ST8SIA1: variants seen among roughly 807,000 people sequenced by gnomAD.
The protein encoded by ST8SIA1 is ST8 alpha-N-acetyl-neuraminide alpha-2,8-sialyltransferase 1, also known as alpha-N-acetylneuraminide alpha-2,8-sialyltransferase.
ST8SIA1 carries 16 observed loss-of-function variants against 35.9 expected under a neutral mutation model. The observed-to-expected ratio is 0.45, with a 90% CI of 0.30 to 0.68. The LOEUF is 0.68. Ranked by LOEUF, ST8SIA1 falls within the 30% of genes least tolerant of loss-of-function variation. The probability of loss-of-function intolerance (pLI) is 0.09; values close to 1 mark genes in which losing one functional copy is unlikely to be tolerated. For missense variants in ST8SIA1, 383 were observed against 453.6 expected (o/e 0.84, Z 1.41); for synonymous variants, 170 against 169.6 (o/e 1.00, Z -0.02).
Position 22,197,367 on chromosome 12 carries a change from C to T in ST8SIA1, c.*4185G>A, listed in dbSNP as rs1565563746. 2.6e-5 allele frequency: 4 copies of T among 152,242 alleles called. No individual in the cohort carries two copies. In the South Asian group the frequency reaches 6.2e-4, roughly 24 times the overall value. The allele number at this position is 152,242 out of a possible 1,614,324, so 9.4% of individuals were successfully genotyped here. On this transcript the variant is annotated 3_prime_UTR_variant, in exon 5 of 5. Coordinates refer to ENST00000396037, the MANE Select transcript of ST8SIA1 (RefSeq NM_003034.4). ...GAAAGTATTTACACAACACAATGAA[C>T]ATTTCCTAAAGTTTTCAGTGGACTG...
intron 1 of ST8SIA1, among the ~76,000 whole-genome samples, chr12:22,291,857 G>A (rs988107306): frequency 7.9e-5 from 12 of 152,110 alleles, no homozygotes; most frequent in African/African-American, 2.2e-4. Flanking sequence ...TACTACCTAG[G>A]AGAGTAAATT....
chr12:22,262,946 TA>T (rs1004282327), intron 2 of ST8SIA1, among the ~76,000 whole-genome samples: 1 of 152,316 alleles, frequency 6.6e-6, no homozygotes, highest in African/African-American at 2.4e-5. Context: ...TAACTAACCT[TA>T]AATATAGATT....
chr12:22,254,872 T>C (rs946903654), intron 3 of ST8SIA1, among the ~76,000 whole-genome samples: 2 of 152,114 alleles, frequency 1.3e-5, no homozygotes, highest in African/African-American at 4.8e-5. Context: ...CATGATTTGA[T>C]CAAAAACTAA....
chr12:22,238,168 C>CCT (rs1047426379), intron 4 of ST8SIA1, among the ~76,000 whole-genome samples: 1 of 151,654 alleles, frequency 6.6e-6, no homozygotes, highest in Non-Finnish European at 1.5e-5. Flanking sequence ...AGAACTCCCC[C>CCT]CCCAACAAGA....
At chr12:22,210,269 G>A (rs565117336) in intron 4 of ST8SIA1, among the ~76,000 whole-genome samples, 1 of 152,140 alleles carries the variant, frequency 6.6e-6, no homozygotes, top group African/African-American at 2.4e-5. Context: ...ATACATATGT[G>A]GTGCATGGGA....
chr12:22,318,797 C>A (rs1866549406), intron 1 of ST8SIA1, among the ~76,000 whole-genome samples: 1 of 152,144 alleles, frequency 6.6e-6, no homozygotes, highest in Non-Finnish European at 1.5e-5. Context: ...TAAGACACTG[C>A]AATATAAGGG....
At chr12:22,298,939 T>C (rs1001580570) in intron 1 of ST8SIA1, among the ~76,000 whole-genome samples, 3 of 152,062 alleles carry the variant, frequency 2.0e-5, no homozygotes, top group Non-Finnish European at 2.9e-5. Flanking sequence ...CTTGGAAGCA[T>C]TGAGAAAATA....
chr12:22,249,965 T>G (rs1197818626), intron 3 of ST8SIA1, among the ~76,000 whole-genome samples: 1 of 152,210 alleles, frequency 6.6e-6, no homozygotes, highest in African/African-American at 2.4e-5. Flanking sequence ...TGTGTGTGTG[T>G]GGCCAATGGG....
intron 1 of ST8SIA1, among the ~76,000 whole-genome samples, chr12:22,299,034 A>C (rs1866283508): frequency 1.3e-5 from 2 of 152,186 alleles, no homozygotes; most frequent in Non-Finnish European, 2.9e-5. Flanking sequence ...AAGGAAAATG[A>C]GAAACGAAAT....
chr12:22,203,920 G>A (rs1865077618), intron 4 of ST8SIA1, among the ~76,000 whole-genome samples: 1 of 152,138 alleles, frequency 6.6e-6, no homozygotes, highest in Non-Finnish European at 1.5e-5. Context: ...GGGTTCTGAT[G>A]AGAGTGATCC....
intron 3 of ST8SIA1, among the ~76,000 whole-genome samples, chr12:22,253,733 G>A (rs748028466): frequency 6.6e-6 from 1 of 152,100 alleles, no homozygotes. Flanking sequence ...GTTTGTTCAC[G>A]TTGAAAAGAA....
chr12:22,312,132 C>G (rs1591853449), intron 1 of ST8SIA1, among the ~76,000 whole-genome samples: 1 of 151,338 alleles, frequency 6.6e-6, no homozygotes, highest in East Asian at 1.9e-4. Context: ...TTAATAAAAC[C>G]CTCCCTCTCC....
At chr12:22,282,233 C>T (rs536929321) in intron 2 of ST8SIA1, among the ~76,000 whole-genome samples, 16 of 152,244 alleles carry the variant, frequency 1.1e-4, no homozygotes, top group African/African-American at 3.9e-4. Context: ...CTTCCACCTA[C>T]CAGCTCTGGG....
intron 1 of ST8SIA1, among the ~76,000 whole-genome samples, chr12:22,288,474 TCA>T (rs903032821): frequency 6.6e-6 from 1 of 152,210 alleles, no homozygotes; most frequent in African/African-American, 2.4e-5. Flanking sequence ...CTTCTTATTG[TCA>T]CACCGTCCCA....
At chr12:22,313,419 A>G (rs1292852126) in intron 1 of ST8SIA1, among the ~76,000 whole-genome samples, 1 of 152,192 alleles carries the variant, frequency 6.6e-6, no homozygotes, top group Non-Finnish European at 1.5e-5. Flanking sequence ...TAGGAAAGGA[A>G]CAGAACAAAT....
At chr12:22,243,911 A>G (rs1387976224) in intron 4 of ST8SIA1, among the ~76,000 whole-genome samples, 3 of 152,026 alleles carry the variant, frequency 2.0e-5, no homozygotes, top group Non-Finnish European at 2.9e-5. Flanking sequence ...CACGCCTGTA[A>G]TCCCAGCTAC....
chr12:22,327,748 T>G (rs1866700555), intron 1 of ST8SIA1, among the ~76,000 whole-genome samples: 1 of 152,016 alleles, frequency 6.6e-6, no homozygotes, highest in African/African-American at 2.4e-5. Flanking sequence ...CTAAAACGCC[T>G]CCCCTCTCCT....
intron 1 of ST8SIA1, among the ~76,000 whole-genome samples, chr12:22,294,437 G>A (rs925525888): frequency 1.3e-5 from 2 of 152,120 alleles, no homozygotes; most frequent in Non-Finnish European, 2.9e-5. Flanking sequence ...TTGTATGAAG[G>A]AGAAGTACTT....
At chr12:22,269,079 C>T (rs1304767626) in intron 2 of ST8SIA1, among the ~76,000 whole-genome samples, 2 of 151,960 alleles carry the variant, frequency 1.3e-5, no homozygotes, top group African/African-American at 4.8e-5. Context: ...CAGGCAGGGC[C>T]CTGGCAGACT....
Sources: gnomAD v4.1 joint callset for allele counts (sites outside exome capture counted in the v4.1 genomes callset) on GRCh38, gnomAD v4.1.1 for gene constraint, MANE v1.5 for transcripts, NCBI Gene and HGNC (gene_info 2026-07-23, HGNC 2026-07-21) for gene names.